The following CLASP1 variants were observed in gnomAD, a reference collection of about 807,000 sequenced individuals.
CLASP1 encodes the protein CLIP-associating protein 1.
CLASP1 carries 38 observed loss-of-function variants against 192.3 expected under a neutral mutation model. The ratio of observed to expected loss-of-function variants is 0.20; its 90% CI spans 0.15 to 0.26. CLASP1 has a LOEUF of 0.26. CLASP1 is among the 10% of genes least tolerant of loss of function. The pLI is 1.00. For synonymous variants in CLASP1, 691 were observed against 712.8 expected, an observed-to-expected ratio of 0.97 and a Z score of 0.49; for missense variants, 1,433 against 1,932.5, an observed-to-expected ratio of 0.74 and a Z score of 4.85.
intron 6 of CLASP1, among the ~76,000 whole-genome samples, chr2:121,516,572 G>T (rs1023013463): frequency 6.6e-6 from 1 of 152,152 alleles, no homozygotes; most frequent in South Asian, 2.1e-4. Flanking sequence ...TGAGAGACAG[G>T]GTAGACTTTT....
At chr2:121,408,793 G>A (rs1185614790) in intron 24 of CLASP1, among the ~76,000 whole-genome samples, 1 of 152,150 alleles carries the variant, frequency 6.6e-6, no homozygotes, top group African/African-American at 2.4e-5. Context: ...ACTAGGCGAA[G>A]GAGCAGAGCT....
At chr2:121,456,587 G>A (rs1402588595) in intron 14 of CLASP1, among the ~76,000 whole-genome samples, 1 of 151,324 alleles carries the variant, frequency 6.6e-6, no homozygotes, top group Non-Finnish European at 1.5e-5. Context: ...AGAAGGGAAA[G>A]GAAGAAAAGG....
chr2:121,538,779 A>G (rs1400109716), intron 2 of CLASP1, among the ~76,000 whole-genome samples: 2 of 150,664 alleles, frequency 1.3e-5, no homozygotes, highest in African/African-American at 2.4e-5. Flanking sequence ...AGCAAGACTC[A>G]GTCTCAAAAA....
chr2:121,630,381 A>AACACACACACACACACACAC (rs60827939), intron 1 of CLASP1, among the ~76,000 whole-genome samples: 1 of 138,968 alleles, frequency 7.2e-6, no homozygotes, highest in African/African-American at 2.7e-5. Flanking sequence ...ATTGGAAAGA[A>AACACACACACACACACACAC]ACACACACAC....
rs114511000 is a variant in CLASP1, at chr2:121,514,531, A to C, written c.644+1134T>G. Among the ~76,000 whole-genome samples, 1,189 of 152,280 alleles carry C rather than the reference A, an allele frequency of 7.8e-3. 20 individuals carry two copies. The highest frequency in any genetic ancestry group is 0.027 in the African/African-American group (1,136 of 41,554). ...AAAAAAAAAAAACAAAACAAAAAAAACTATTATCACAGATTATCTTTTGTA... is the reference window on the plus strand; with the variant it reads ...AAAAAAAAAAAACAAAACAAAAAAACCTATTATCACAGATTATCTTTTGTA... On this transcript the variant is annotated intron_variant, in intron 7 of 39. Coordinates refer to ENST00000263710, the Ensembl canonical transcript of CLASP1.
intron 2 of CLASP1, among the ~76,000 whole-genome samples, chr2:121,560,912 T>G (rs1273228351): frequency 1.3e-5 from 2 of 152,146 alleles, no homozygotes; most frequent in Admixed American, 6.5e-5. Flanking sequence ...TTTTTGTTTT[T>G]TTTGTTTGTT....
intron 2 of CLASP1, among the ~76,000 whole-genome samples, chr2:121,567,660 TA>T (rs1239346946): frequency 3.3e-5 from 5 of 152,240 alleles, no homozygotes; most frequent in African/African-American, 1.2e-4. Flanking sequence ...TTTCTCCCTT[TA>T]ACTCCCTGGC....
intron 14 of CLASP1, among the ~76,000 whole-genome samples, chr2:121,457,152 C>A (rs1575043192): frequency 6.6e-6 from 1 of 152,098 alleles, no homozygotes; most frequent in East Asian, 1.9e-4. Context: ...GTTGTATTTG[C>A]CTGTGTCTTC....
intron 35 of CLASP1, among the ~76,000 whole-genome samples, chr2:121,367,350 G>A (rs3816187): frequency 1.3e-5 from 2 of 152,148 alleles, no homozygotes; most frequent in African/African-American, 4.8e-5. Flanking sequence ...TTCATATCAC[G>A]TGTGACTGTT....
chr2:121,470,051 T>C, intron 8 of CLASP1, 91 bp from the exon 9 acceptor site: 4 of 1,043,548 alleles, frequency 3.8e-6, no homozygotes, highest in South Asian at 1.6e-5. Context: ...ATAAAACAAT[T>C]AGTCTTCGAG....
Position 121,646,922 on chromosome 2 carries a change from C to A in CLASP1, c.-286+2450G>T, listed in dbSNP as rs187144302. On this transcript the variant is annotated intron_variant, in intron 1 of 39. Transcript: ENST00000263710. ...GGGCATGGTGGCGGGCACCTGTAGT[C>A]CCAGCTACTCGGGAGGCTGAGGGAG... Among the ~76,000 whole-genome samples, 731 of 151,872 alleles carry A rather than the reference C, an allele frequency of 4.8e-3. 4 individuals are homozygous for A. Among genetic ancestry groups the A allele is most frequent in the African/African-American group, 0.017 (685 of 41,400 alleles).
chr2:121,615,718 A>G (rs2066337762), intron 1 of CLASP1, among the ~76,000 whole-genome samples: 1 of 152,196 alleles, frequency 6.6e-6, no homozygotes, highest in Admixed American at 6.5e-5. Flanking sequence ...CAGGAGGTGC[A>G]AGTTGCAGTG....
intron 1 of CLASP1, among the ~76,000 whole-genome samples, chr2:121,647,902 G>A (rs2073471328): frequency 6.6e-6 from 1 of 152,154 alleles, no homozygotes; most frequent in Admixed American, 6.5e-5. Context: ...AACTTTAGAA[G>A]TCTAAAATGG....
chr2:121,415,149 A>C (rs1330186393), intron 23 of CLASP1, among the ~76,000 whole-genome samples: 2 of 152,200 alleles, frequency 1.3e-5, no homozygotes, highest in East Asian at 3.8e-4. Context: ...TCTTCCTTGG[A>C]GAGGCAGTTA....
At chr2:121,461,857 T>C (rs2088047894) in intron 10 of CLASP1, among the ~76,000 whole-genome samples, 1 of 152,164 alleles carries the variant, frequency 6.6e-6, no homozygotes, top group African/African-American at 2.4e-5. Flanking sequence ...TTGTATCTTT[T>C]ATAGAGATGA....
rs550357167 is a variant in CLASP1 at position 121,376,914 on chromosome 2, C to G, written c.3642+585G>C. Among the ~76,000 whole-genome samples the G allele has an allele frequency of 1.4e-3, 217 of 152,296 alleles. 1 individual carries two copies. The highest frequency in any genetic ancestry group is 5.0e-3 in the African/African-American group (209 of 41,562). Reference sequence around the variant, plus strand: ...GTCTCCCAGCACCCTCAGACAGGGCCAACTAGTTGCAGGAAAACAAGCTCA... The same window carrying G: ...GTCTCCCAGCACCCTCAGACAGGGCGAACTAGTTGCAGGAAAACAAGCTCA... On this transcript the variant is annotated intron_variant, in intron 34 of 39. Coordinates refer to ENST00000263710, the Ensembl canonical transcript of CLASP1.
chr2:121,393,663 G>T (rs192868182), intron 30 of CLASP1, among the ~76,000 whole-genome samples: 178 of 152,096 alleles, frequency 1.2e-3, no homozygotes, highest in Non-Finnish European at 1.7e-3. Context: ...AATGTTCAAC[G>T]GATGCTACAT....
chr2:121,383,351 G>C (rs1452794474), intron 32 of CLASP1, among the ~76,000 whole-genome samples: 1 of 152,234 alleles, frequency 6.6e-6, no homozygotes, highest in Non-Finnish European at 1.5e-5. Flanking sequence ...AAAGTCACTA[G>C]CATACAGAGG....
At position 121,445,349 on chromosome 2, in the gene CLASP1, T is replaced by C. The variant is rs1159678108; in HGVS notation, c.1912+1988A>G. ...ACTAGAAGCTAAAATACTAAAGAGT[T>C]ACCCAAAAGGCAGAGCCAAGTAAGA... On this transcript the variant is annotated intron_variant, in intron 19 of 39. Coordinates refer to ENST00000263710, the Ensembl canonical transcript of CLASP1. 5.0e-6 allele frequency: 3 copies of C among 601,920 alleles called. No individual in the cohort carries two copies. The Admixed American group carries it at 8.2e-5, about 16-fold the overall frequency. 37.3% of individuals were successfully genotyped at this position (601,920 alleles called of 1,614,324 possible). A position where few individuals can be genotyped will look rare whatever the true frequency, so the allele number is the denominator to read the frequency against.
Sources: allele counts gnomAD v4.1 joint callset (sites outside exome capture counted in the v4.1 genomes callset), GRCh38; gene constraint gnomAD v4.1.1; transcripts MANE v1.5; gene names NCBI Gene and HGNC (gene_info 2026-07-23, HGNC 2026-07-21).